SPAG16: variants seen among roughly 807,000 people sequenced by gnomAD.
The protein encoded by SPAG16 is sperm associated antigen 16, also known as sperm-associated antigen 16 protein.
Under a neutral mutation model 80.4 loss-of-function variants are expected in SPAG16, and 86 were observed. The observed-to-expected ratio is 1.07, with a 90% confidence interval of 0.90 to 1.28. The LOEUF (loss-of-function observed/expected upper bound fraction) is 1.28. Ranked by LOEUF, SPAG16 falls within the 50% of genes most tolerant of loss-of-function variation. The pLI, the probability that SPAG16 is intolerant of heterozygous loss-of-function variation, is 0.00. For missense variants in SPAG16, 870 were observed against 765.3 expected (o/e 1.14, Z -1.61); for synonymous variants, 294 against 265.9 (o/e 1.11, Z -1.03).
chr2:213,457,005 G>C (rs1397979379), intron 9 of SPAG16, among the ~76,000 whole-genome samples: 59 of 149,564 alleles, frequency 3.9e-4, no homozygotes, highest in Non-Finnish European at 8.9e-5. Context: ...TTTAAATGTT[G>C]TGTAGGATCC....
chr2:213,600,733 C>A (rs1372733714), intron 10 of SPAG16, among the ~76,000 whole-genome samples: 1 of 152,194 alleles, frequency 6.6e-6, no homozygotes, highest in African/African-American at 2.4e-5. Flanking sequence ...ATTCCTTGGA[C>A]TCCAATTATT....
At chr2:213,387,571 C>T (rs2067510209) in intron 9 of SPAG16, among the ~76,000 whole-genome samples, 1 of 106,182 alleles carries the variant, frequency 9.4e-6, no homozygotes, top group Non-Finnish European at 1.8e-5. Context: ...TCTCCTGCCT[C>T]AGCCTCCCAA....
chr2:213,285,011 C>T (rs559858087), intron 1 of SPAG16, among the ~76,000 whole-genome samples: 5 of 152,268 alleles, frequency 3.3e-5, no homozygotes, highest in African/African-American at 4.8e-5. Flanking sequence ...ATAAATTCAA[C>T]GGAGGAACGT....
chr2:213,354,941 G>T (rs932664572), intron 7 of SPAG16, among the ~76,000 whole-genome samples: 10 of 152,152 alleles, frequency 6.6e-5, no homozygotes, highest in Admixed American at 1.3e-4. Context: ...CTTTGCCCAT[G>T]CCTATGTCCT....
chr2:213,778,837 T>C (rs1274247059), intron 10 of SPAG16, among the ~76,000 whole-genome samples: 1 of 152,200 alleles, frequency 6.6e-6, no homozygotes, highest in Non-Finnish European at 1.5e-5. Flanking sequence ...TAATGAATTT[T>C]TTTCAGTTCC....
At chr2:213,725,991 G>A (rs924594490) in intron 10 of SPAG16, among the ~76,000 whole-genome samples, 9 of 152,034 alleles carry the variant, frequency 5.9e-5, no homozygotes, top group African/African-American at 7.2e-5. Flanking sequence ...TCTCTTTTTC[G>A]GCATTTCTCA....
rs554669000 is a variant in SPAG16 at position 214,262,697 on chromosome 2, C to T, written c.1720+113431C>T. 1.1e-4 allele frequency among the ~76,000 whole-genome samples: 16 copies of T among 152,008 alleles called. No homozygotes were observed. The East Asian group carries it at 3.1e-3, about 29-fold the overall frequency. On this transcript the variant is annotated intron_variant, in intron 15 of 15. Coordinates refer to ENST00000331683, the MANE Select transcript of SPAG16 (RefSeq NM_024532.5). Reference sequence around the variant, plus strand: ...GGGGGCAGGGTTGACTAAGTGATTCCAAGATCTTATTTGGCTCTAAAAGTA... The same window carrying T: ...GGGGGCAGGGTTGACTAAGTGATTCTAAGATCTTATTTGGCTCTAAAAGTA...
chr2:213,753,498 T>C (rs1415372411), intron 10 of SPAG16, among the ~76,000 whole-genome samples: 1 of 152,248 alleles, frequency 6.6e-6, no homozygotes, highest in African/African-American at 2.4e-5. Flanking sequence ...AATTATTATA[T>C]GTCATGTAAT....
chr2:213,636,560 A>G (rs1489116290), intron 10 of SPAG16, among the ~76,000 whole-genome samples: 1 of 152,256 alleles, frequency 6.6e-6, no homozygotes, highest in Non-Finnish European at 1.5e-5. Context: ...GGTCATATTT[A>G]CAATATTGAT....
chr2:213,315,863 G>A (rs1360224103), intron 4 of SPAG16, among the ~76,000 whole-genome samples: 1 of 151,692 alleles, frequency 6.6e-6, no homozygotes, highest in African/African-American at 2.4e-5. Flanking sequence ...ACTATTTCAC[G>A]GGCCTCTCTT....
chr2:213,552,142 A>AT (rs1405896331), intron 10 of SPAG16, among the ~76,000 whole-genome samples: 1 of 152,038 alleles, frequency 6.6e-6, no homozygotes, highest in African/African-American at 2.4e-5. Context: ...TCTCCTCCTT[A>AT]TTTTTTGTTT....
chr2:214,275,036 T>C (rs142776486), intron 15 of SPAG16, among the ~76,000 whole-genome samples: 2 of 152,280 alleles, frequency 1.3e-5, no homozygotes, highest in East Asian at 3.9e-4. Context: ...AGGGTGTATA[T>C]GTCCAGGAAT....
chr2:214,158,449 A>C (rs909408878), intron 15 of SPAG16, among the ~76,000 whole-genome samples: 1 of 152,020 alleles, frequency 6.6e-6, no homozygotes, highest in African/African-American at 2.4e-5. Context: ...CGCATACCTC[A>C]CAACACGGTC....
At chr2:213,670,120 A>G (rs1301618626) in intron 10 of SPAG16, among the ~76,000 whole-genome samples, 2 of 151,640 alleles carry the variant, frequency 1.3e-5, no homozygotes, top group Non-Finnish European at 2.9e-5. Flanking sequence ...TCAGCCTCCC[A>G]AGTAGCTGAG....
intron 9 of SPAG16, among the ~76,000 whole-genome samples, chr2:213,480,445 C>T (rs573902280): frequency 1.3e-5 from 2 of 152,320 alleles, no homozygotes; most frequent in East Asian, 3.9e-4. Flanking sequence ...ATGTCAATAT[C>T]ATCCATACTT....
chr2:213,350,791 C>G (rs1299755998), intron 7 of SPAG16, 146 bp downstream of exon 7: 5 of 545,760 alleles, frequency 9.2e-6, no homozygotes, highest in African/African-American at 7.8e-5. Flanking sequence ...TGGAAACATT[C>G]AGAAAAAGTA....
chr2:213,776,831 C>A (rs1388241757), intron 10 of SPAG16, among the ~76,000 whole-genome samples: 12 of 118,830 alleles, frequency 1.0e-4, no homozygotes, highest in Admixed American at 4.9e-4. Context: ...ATGCCACCCC[C>A]CCCCCACCCC....
chr2:214,123,166 G>A (rs995371142), intron 14 of SPAG16, among the ~76,000 whole-genome samples: 1 of 151,806 alleles, frequency 6.6e-6, no homozygotes, highest in African/African-American at 2.4e-5. Flanking sequence ...ATTAATAGAA[G>A]TATTCTATCT....
chr2:214,294,204 A>G (rs1693984769), intron 15 of SPAG16, among the ~76,000 whole-genome samples: 1 of 152,196 alleles, frequency 6.6e-6, no homozygotes, highest in Admixed American at 6.5e-5. Flanking sequence ...GTTAGTTTCT[A>G]GGCTCGTGGG....
Sources: gnomAD v4.1 joint callset for allele counts (sites outside exome capture counted in the v4.1 genomes callset) on GRCh38, gnomAD v4.1.1 for gene constraint, MANE v1.5 for transcripts, NCBI Gene and HGNC (gene_info 2026-07-23, HGNC 2026-07-21) for gene names.